Variants in CLASP1 observed in about 807,000 individuals in gnomAD.
CLASP1 encodes cytoplasmic linker associated protein 1, also known as CLIP-associating protein 1.
In CLASP1, 38 loss-of-function variants were observed where a neutral mutation model predicts 192.3. That is an observed-to-expected ratio of 0.20 (90% CI 0.15 to 0.26). The LOEUF is 0.26. Among genes scored for constraint, CLASP1 ranks in the 10% least tolerant of loss-of-function variants. The pLI is 1.00. For missense variants in CLASP1, 1,433 were observed against 1,932.5 expected, an observed-to-expected ratio of 0.74 and a Z score of 4.85; for synonymous variants, 691 against 712.8, an observed-to-expected ratio of 0.97 and a Z score of 0.49.
At chr2:121,648,721 G>C (rs1298465820) in intron 1 of CLASP1, among the ~76,000 whole-genome samples, 1 of 152,170 alleles carries the variant, frequency 6.6e-6, no homozygotes, top group East Asian at 1.9e-4. Flanking sequence ...AAGTTGAGAA[G>C]TCTGCACAGG....
chr2:121,514,970 C>T (rs916143802), intron 7 of CLASP1, among the ~76,000 whole-genome samples: 9 of 152,166 alleles, frequency 5.9e-5, no homozygotes, highest in African/African-American at 2.2e-4. Flanking sequence ...CCTGTGAGTC[C>T]ACTCCAGTTC....
chr2:121,473,993 G>C (rs7561141), intron 8 of CLASP1, among the ~76,000 whole-genome samples: 45,172 of 152,086 alleles, frequency 0.3, 10,661 homozygotes, highest in African/African-American at 0.66. Context: ...CTTGGATTTA[G>C]ATAAAGAAAT....
chr2:121,402,474 C>T, intron 26 of CLASP1: 1 of 441,146 alleles, frequency 2.3e-6, no homozygotes, highest in Non-Finnish European at 4.5e-6. Flanking sequence ...AGCACAGCAA[C>T]TATTCACCAC....
chr2:121,641,887 T>C (rs1323853479), intron 1 of CLASP1, among the ~76,000 whole-genome samples: 19 of 152,130 alleles, frequency 1.2e-4, no homozygotes, highest in Admixed American at 1.2e-3. Flanking sequence ...AGGCTGGATG[T>C]GCTGGTGTGC....
intron 2 of CLASP1, among the ~76,000 whole-genome samples, chr2:121,578,264 AG>A (rs2105514975): frequency 6.6e-6 from 1 of 152,012 alleles, no homozygotes; most frequent in Non-Finnish European, 1.5e-5. Flanking sequence ...AAAGAAACAA[AG>A]AAACAAACAA....
At chr2:121,404,271 C>A in intron 26 of CLASP1, 100 bp downstream of exon 27, 1 of 1,532,140 alleles carries the variant, frequency 6.5e-7, no homozygotes, top group Non-Finnish European at 8.8e-7. Context: ...AAGGTCGGAA[C>A]TGCACTATCG....
At chr2:121,350,564 C>A (rs1176135530) in intron 37 of CLASP1, among the ~76,000 whole-genome samples, 2 of 152,206 alleles carry the variant, frequency 1.3e-5, no homozygotes, top group Admixed American at 6.5e-5. Flanking sequence ...CAGGGCTACA[C>A]TGTCCCATGA....
chr2:121,517,751 T>TG lies in CLASP1; in HGVS notation c.547-1990dup, dbSNP rs113779793. Among the ~76,000 whole-genome samples, 22 of 147,436 alleles carry TG rather than the reference T, an allele frequency of 1.5e-4. 1 individual carries two copies. Among genetic ancestry groups the TG allele is most frequent in the East Asian group, 6.3e-4 (3 of 4,778 alleles). On this transcript the variant is annotated intron_variant, in intron 6 of 39. Transcript: ENST00000263710. The stretch of plus-strand genomic sequence containing the variant: ...GTACTCAGCTACAGTCCTACCTACT[T>TG]GGGGGGGCCTGAGGTAAGAGGATTA...
At chr2:121,453,175 G>A (rs2085884916) in intron 14 of CLASP1, among the ~76,000 whole-genome samples, 1 of 152,136 alleles carries the variant, frequency 6.6e-6, no homozygotes, top group Non-Finnish European at 1.5e-5. Context: ...CACTAATAAA[G>A]TCCTAGCTAT....
intron 23 of CLASP1, among the ~76,000 whole-genome samples, chr2:121,414,951 T>TG (rs2078314059): frequency 6.6e-6 from 1 of 151,394 alleles, no homozygotes; most frequent in Admixed American, 6.6e-5. Context: ...CATTCGGCTT[T>TG]GTTTTTTTTT....
chr2:121,537,040 T>A (rs900006210), intron 2 of CLASP1, among the ~76,000 whole-genome samples: 1 of 152,086 alleles, frequency 6.6e-6, no homozygotes, highest in Non-Finnish European at 1.5e-5. Flanking sequence ...AATTAGATAA[T>A]GGTGATGGTT....
chr2:121,521,142 AG>A (rs2094447484), intron 6 of CLASP1, among the ~76,000 whole-genome samples: 1 of 152,182 alleles, frequency 6.6e-6, no homozygotes, highest in African/African-American at 2.4e-5. Context: ...GAAGAAAAAA[AG>A]TCTATCTTTT....
chr2:121,540,522 T>G (rs1052637151), intron 2 of CLASP1, among the ~76,000 whole-genome samples: 1 of 151,794 alleles, frequency 6.6e-6, no homozygotes, highest in Non-Finnish European at 1.5e-5. Context: ...GGCATGGTGG[T>G]TCACACCTGT....
intron 19 of CLASP1, among the ~76,000 whole-genome samples, chr2:121,439,782 T>C (rs1177272220): frequency 2.0e-5 from 3 of 151,040 alleles, no homozygotes; most frequent in African/African-American, 7.4e-5. Flanking sequence ...ATGTCCTTTG[T>C]AGGGACATGG....
At chr2:121,375,652 G>A (rs1012051723) in intron 34 of CLASP1, among the ~76,000 whole-genome samples, 5 of 152,040 alleles carry the variant, frequency 3.3e-5, no homozygotes, top group African/African-American at 4.8e-5. Context: ...GTGAGCCACC[G>A]CACCTAGCTG....
chr2:121,544,744 A>G (rs1260253525), intron 2 of CLASP1, among the ~76,000 whole-genome samples: 3 of 152,272 alleles, frequency 2.0e-5, no homozygotes, highest in African/African-American at 7.2e-5. Context: ...CTGGGTCAGT[A>G]AACAAGAAAA....
At chr2:121,437,200 C>A (rs2082453967) in intron 19 of CLASP1, among the ~76,000 whole-genome samples, 1 of 152,018 alleles carries the variant, frequency 6.6e-6, no homozygotes, top group African/African-American at 2.4e-5. Context: ...TGGGCTCAAG[C>A]AATCCTCCTG....
chr2:121,581,483 C>A (rs2061159759), intron 2 of CLASP1, among the ~76,000 whole-genome samples: 1 of 151,710 alleles, frequency 6.6e-6, no homozygotes, highest in Non-Finnish European at 1.5e-5. Context: ...ACCTTGTTAG[C>A]CAGGATGGTC....
intron 1 of CLASP1, among the ~76,000 whole-genome samples, chr2:121,618,830 G>A (rs1382658851): frequency 6.6e-6 from 1 of 152,032 alleles, no homozygotes; most frequent in Non-Finnish European, 1.5e-5. Flanking sequence ...TACCAGTCAG[G>A]CATACAACAG....
Sources: allele counts gnomAD v4.1 joint callset (sites outside exome capture counted in the v4.1 genomes callset), GRCh38; gene constraint gnomAD v4.1.1; transcripts MANE v1.5; gene names NCBI Gene and HGNC (gene_info 2026-07-23, HGNC 2026-07-21).